UBE2L3: variants seen among roughly 807,000 people sequenced by gnomAD.
UBE2L3 encodes the protein ubiquitin conjugating enzyme E2 L3.
A neutral mutation model predicts 17.8 loss-of-function variants in UBE2L3; 1 was observed. The observed-to-expected ratio is 0.06, with a 90% CI of 0.02 to 0.27. The LOEUF (loss-of-function observed/expected upper bound fraction) is 0.27, where lower values mean the gene tolerates loss of function less well. Among genes scored for constraint, UBE2L3 ranks in the 10% least tolerant of loss-of-function variants. The pLI is 1.00. For synonymous variants in UBE2L3, 44 were observed against 68.5 expected (o/e 0.64, Z 1.76); for missense variants, 40 against 192.6 (o/e 0.21, Z 4.69).
intron 1 of UBE2L3, among the ~76,000 whole-genome samples, chr22:21,572,101 T>G (rs2148401202): frequency 6.6e-6 from 1 of 152,202 alleles, no homozygotes; most frequent in East Asian, 1.9e-4. Flanking sequence ...GTATACTCAA[T>G]TATTGCAACA....
intron 2 of UBE2L3, among the ~76,000 whole-genome samples, chr22:21,607,638 G>C (rs914944505): frequency 1.3e-5 from 2 of 152,176 alleles, no homozygotes; most frequent in African/African-American, 4.8e-5. Flanking sequence ...GAGTACAATG[G>C]GAAGGGCTTC....
intron 2 of UBE2L3, among the ~76,000 whole-genome samples, chr22:21,597,237 A>ACC (rs1247763233): frequency 6.6e-6 from 1 of 151,906 alleles, no homozygotes; most frequent in Non-Finnish European, 1.5e-5. Flanking sequence ...GCCTCAGCCT[A>ACC]CCAAAGTGCT....
At chr22:21,608,089 A>C (rs1929272866) in intron 2 of UBE2L3, among the ~76,000 whole-genome samples, 1 of 152,238 alleles carries the variant, frequency 6.6e-6, no homozygotes, top group Non-Finnish European at 1.5e-5. Context: ...AAACAACAAT[A>C]AATAACACCG....
chr22:21,563,439 G>A (rs899346488), upstream of UBE2L3, among the ~76,000 whole-genome samples: 1 of 142,626 alleles, frequency 7.0e-6, no homozygotes, highest in Non-Finnish European at 1.5e-5. Context: ...GCGGGCTCCC[G>A]TAGTCCCAGC....
chr22:21,594,264 C>G (rs577405055), intron 2 of UBE2L3, among the ~76,000 whole-genome samples: 1 of 152,326 alleles, frequency 6.6e-6, no homozygotes, highest in East Asian at 1.9e-4. Context: ...AGCATGCTTC[C>G]TCCTGTAGAT....
chr22:21,570,214 T>C (rs1247439636), intron 1 of UBE2L3, among the ~76,000 whole-genome samples: 1 of 152,202 alleles, frequency 6.6e-6, no homozygotes. Flanking sequence ...TTCATCCTGG[T>C]AGCCCCCTAG....
chr22:21,615,116 T>C (rs1460974769), intron 3 of UBE2L3, among the ~76,000 whole-genome samples: 1 of 150,636 alleles, frequency 6.6e-6, no homozygotes, highest in Non-Finnish European at 1.5e-5. Flanking sequence ...GATTGTGCCA[T>C]TGCACTCCAG....
At chr22:21,571,194 C>T (rs948490628) in intron 1 of UBE2L3, among the ~76,000 whole-genome samples, 1 of 152,182 alleles carries the variant, frequency 6.6e-6, no homozygotes, top group Non-Finnish European at 1.5e-5. Context: ...GTAACCATTG[C>T]TTCAATCAGG....
intron 3 of UBE2L3, 45 bp downstream of exon 3, chr22:21,611,088 T>C: frequency 1.3e-6 from 2 of 1,532,178 alleles, no homozygotes; most frequent in South Asian, 1.3e-5. Flanking sequence ...TCTTTGGGGG[T>C]GCTGCTCTGG....
chr22:21,557,072 A>T lies in UBE2L3; in HGVS notation c.201+7422A>T, dbSNP rs578142116. Reference sequence around the variant, plus strand: ...CTGAGTCAAAAAAAAAAGAAAAAAAAATTAACAACAGGCCAGATGTGACGG... The same window carrying T: ...CTGAGTCAAAAAAAAAAGAAAAAAATATTAACAACAGGCCAGATGTGACGG... On this transcript the variant is annotated intron_variant, in intron 1 of 3. Coordinates refer to the UBE2L3 transcript ENST00000458578. Among the ~76,000 whole-genome samples the T allele has an allele frequency of 9.2e-5, 14 of 152,368 alleles. No homozygotes were observed. In the South Asian group the frequency reaches 2.7e-3, roughly 29 times the overall value.
intron 3 of UBE2L3, among the ~76,000 whole-genome samples, chr22:21,612,296 C>A (rs1316457529): frequency 6.6e-6 from 1 of 152,110 alleles, no homozygotes; most frequent in African/African-American, 2.4e-5. Flanking sequence ...AAGCTTGACA[C>A]AGTTCTTCTC....
intron 1 of UBE2L3, among the ~76,000 whole-genome samples, chr22:21,570,798 GA>G (rs1410833151): frequency 3.3e-5 from 5 of 152,144 alleles, no homozygotes; most frequent in African/African-American, 1.2e-4. Flanking sequence ...TTTCGTTGGT[GA>G]AAAGTTGGGG....
Position 21,578,467 on chromosome 22 carries a change from G to A in UBE2L3, c.27+10696G>A, listed in dbSNP as rs1043887469. Reference sequence around the variant, plus strand: ...TTCCCGTCGTGCCCATTTGTCCTGTGTCAGGCTTTGTGTGGTTGAGTCTGT... The same window carrying A: ...TTCCCGTCGTGCCCATTTGTCCTGTATCAGGCTTTGTGTGGTTGAGTCTGT... On this transcript the variant is annotated intron_variant, in intron 1 of 3. Coordinates refer to ENST00000342192, the MANE Select transcript of UBE2L3 (RefSeq NM_003347.4). 6.6e-5 allele frequency among the ~76,000 whole-genome samples: 10 copies of A among 152,094 alleles called. No homozygotes were observed. In the East Asian group the frequency reaches 1.7e-3, roughly 26 times the overall value.
chr22:21,612,789 A>G (rs1333728603), intron 3 of UBE2L3, among the ~76,000 whole-genome samples: 1 of 148,494 alleles, frequency 6.7e-6, no homozygotes, highest in Non-Finnish European at 1.5e-5. Flanking sequence ...GATTACAGCC[A>G]CCACGCTCGG....
chr22:21,569,686 C>T (rs184569138), intron 1 of UBE2L3, among the ~76,000 whole-genome samples: 161 of 152,296 alleles, frequency 1.1e-3, no homozygotes, highest in African/African-American at 3.2e-3. Flanking sequence ...TCACCTCCTG[C>T]CCTTTGGTTT....
intron 1 of UBE2L3, among the ~76,000 whole-genome samples, chr22:21,589,644 G>A (rs1484051787): frequency 2.0e-5 from 3 of 152,142 alleles, no homozygotes; most frequent in Admixed American, 1.3e-4. Flanking sequence ...GTGCAGAGTC[G>A]TATCTGGATG....
chr22:21,605,707 T>C (rs1929123709), intron 2 of UBE2L3, among the ~76,000 whole-genome samples: 1 of 152,208 alleles, frequency 6.6e-6, no homozygotes. Flanking sequence ...GGTTTCACCA[T>C]GTTGGCCAGG....
intron 1 of UBE2L3, 48 bp downstream of exon 1, chr22:21,567,819 G>C (rs1568968829): frequency 1.9e-6 from 3 of 1,564,156 alleles, no homozygotes; most frequent in Non-Finnish European, 2.6e-6. Context: ...GGCGTCCTAG[G>C]CTCCGGATCC....
chr22:21,600,879 TAAAGGC>T (rs1378899075), intron 2 of UBE2L3, among the ~76,000 whole-genome samples: 1 of 152,026 alleles, frequency 6.6e-6, no homozygotes, highest in Non-Finnish European at 1.5e-5. Context: ...AATAAATACT[TAAAGGC>T]AAGGAGGGAC....
Sources: allele counts gnomAD v4.1 joint callset (sites outside exome capture counted in the v4.1 genomes callset), GRCh38; gene constraint gnomAD v4.1.1; transcripts MANE v1.5; gene names NCBI Gene and HGNC (gene_info 2026-07-23, HGNC 2026-07-21).